Variants in KATNAL1 observed in about 807,000 individuals in gnomAD.
The protein encoded by KATNAL1 is katanin p60 ATPase-containing subunit A-like 1.
KATNAL1 carries 32 observed loss-of-function variants against 55.2 expected under a neutral mutation model. The ratio of observed to expected loss-of-function variants is 0.58; its 90% CI spans 0.44 to 0.78. The LOEUF (loss-of-function observed/expected upper bound fraction) is 0.78. Ranked by LOEUF, KATNAL1 falls within the 30% of genes least tolerant of loss-of-function variation. KATNAL1 has a pLI of 0.00. For missense variants in KATNAL1, 466 were observed against 600.9 expected (o/e 0.78, Z 2.35); for synonymous variants, 193 against 193.6 (o/e 1.00, Z 0.02).
chr13:30,282,171 GT>G (rs1376701970), intron 2 of KATNAL1, among the ~76,000 whole-genome samples: 6 of 102,872 alleles, frequency 5.8e-5, no homozygotes, highest in Admixed American at 1.0e-4. Flanking sequence ...TAAAATTCAA[GT>G]TTTTAACTGT....
intron 3 of KATNAL1, among the ~76,000 whole-genome samples, chr13:30,264,534 C>A (rs1484064786): frequency 2.7e-5 from 4 of 150,008 alleles, no homozygotes; most frequent in Non-Finnish European, 5.9e-5. Flanking sequence ...AAGAAAAAAA[C>A]AAACAACCCC....
chr13:30,241,204 T>C, intron 4 of KATNAL1, 118 bp from the exon 5 acceptor site: 1 of 937,192 alleles, frequency 1.1e-6, no homozygotes, highest in Non-Finnish European at 1.6e-6. Flanking sequence ...TATTTTAAGG[T>C]AGTATTTTCT....
chr13:30,230,676 GC>G, intron 7 of KATNAL1, 82 bp from the exon 8 acceptor site: 1 of 992,334 alleles, frequency 1.0e-6, no homozygotes, highest in African/African-American at 1.6e-5. Flanking sequence ...TAAAACAATG[GC>G]AAAAGAGAGC....
At chr13:30,214,622 A>G (rs929113228) in intron 9 of KATNAL1, among the ~76,000 whole-genome samples, 9 of 152,210 alleles carry the variant, frequency 5.9e-5, no homozygotes, top group African/African-American at 2.2e-4. Flanking sequence ...AATGCCGCAT[A>G]TCTACAACTA....
intron 9 of KATNAL1, among the ~76,000 whole-genome samples, chr13:30,212,163 CA>C (rs71093029): frequency 0.15 from 22,497 of 151,572 alleles, 1,836 homozygotes; most frequent in East Asian, 0.35. Context: ...GACATATATT[CA>C]AAAAAAATCA....
intron 9 of KATNAL1, among the ~76,000 whole-genome samples, chr13:30,223,643 G>A (rs756666245): frequency 6.6e-5 from 10 of 152,006 alleles, no homozygotes; most frequent in Non-Finnish European, 1.0e-4. Flanking sequence ...TAATAGGACC[G>A]AGAAGATGTA....
chr13:30,302,510 T>A (rs1266794574), intron 1 of KATNAL1, among the ~76,000 whole-genome samples: 1 of 147,504 alleles, frequency 6.8e-6, no homozygotes, highest in South Asian at 2.1e-4. Context: ...CCAGGAAAAA[T>A]GGAAAGAGTA....
chr13:30,234,895 GC>G (rs1876496499), intron 6 of KATNAL1, among the ~76,000 whole-genome samples: 1 of 152,106 alleles, frequency 6.6e-6, no homozygotes, highest in Admixed American at 6.5e-5. Context: ...ATCACAATAG[GC>G]CCTGAAATTT....
At chr13:30,216,206 T>A (rs868279745) in intron 9 of KATNAL1, among the ~76,000 whole-genome samples, 3 of 152,104 alleles carry the variant, frequency 2.0e-5, no homozygotes, top group Non-Finnish European at 4.4e-5. Context: ...GGGGATACAT[T>A]GTTAGGTGAT....
rs1267047882 is a variant in KATNAL1, at chr13:30,255,313, T to TA, written c.492+133dup. On this transcript the variant is annotated intron_variant, in intron 4 of 10. Transcript: ENST00000380615. ...TGGCCTTCAAAATACAAAGACTACT[T>TA]AGGCTTTGAATGAGACTTTTTTCTA... 4.6e-6 allele frequency: 3 copies of TA among 650,988 alleles called. No individual in the cohort carries two copies. In the African/African-American group the frequency reaches 5.6e-5, roughly 12 times the overall value. The allele number at this position is 650,988 out of a possible 1,614,324, so 40.3% of individuals were successfully genotyped here.
intron 7 of KATNAL1, 33 bp downstream of exon 7, chr13:30,231,281 A>G (rs1198180420): frequency 6.3e-7 from 1 of 1,575,924 alleles, no homozygotes; most frequent in Non-Finnish European, 8.6e-7. Context: ...GCCTACACAC[A>G]CTACTTTGAA....
chr13:30,233,816 G>A (rs887718149), intron 6 of KATNAL1, among the ~76,000 whole-genome samples: 7 of 152,122 alleles, frequency 4.6e-5, no homozygotes, highest in Non-Finnish European at 8.8e-5. Context: ...GGTGGAGGTC[G>A]TTATGTCAAA....
intron 4 of KATNAL1, among the ~76,000 whole-genome samples, chr13:30,252,548 C>A (rs1344663796): frequency 6.6e-6 from 1 of 152,054 alleles, no homozygotes; most frequent in Non-Finnish European, 1.5e-5. Flanking sequence ...TGTACATAAA[C>A]ATATGAATAA....
At chr13:30,284,733 C>T (rs960756370) in intron 1 of KATNAL1, among the ~76,000 whole-genome samples, 10 of 152,118 alleles carry the variant, frequency 6.6e-5, no homozygotes, top group African/African-American at 2.4e-4. Flanking sequence ...TGTTATTTTC[C>T]TTTCTATAAG....
chr13:30,271,754 G>A (rs546936133), intron 3 of KATNAL1, among the ~76,000 whole-genome samples: 4 of 152,116 alleles, frequency 2.6e-5, no homozygotes, highest in Admixed American at 6.6e-5. Flanking sequence ...GAAAACATGA[G>A]CTCCTGGAGG....
At chr13:30,246,014 T>C (rs11619758) in intron 4 of KATNAL1, among the ~76,000 whole-genome samples, 3,823 of 152,230 alleles carry the variant, frequency 0.025, 69 homozygotes, top group Middle Eastern at 0.054. Flanking sequence ...TTAGCTACCA[T>C]TGACTTTCTT....
At position 30,204,830 on chromosome 13, in the gene KATNAL1, C is replaced by T. The variant is rs960062197; in HGVS notation, c.*3710G>A. Reference sequence around the variant, plus strand: ...TACAGCTAGACCACCGCATGTTTTCCCCTTCCAAAATGGCTAGGTATTGTG... The same window carrying T: ...TACAGCTAGACCACCGCATGTTTTCTCCTTCCAAAATGGCTAGGTATTGTG... On this transcript the variant is annotated 3_prime_UTR_variant, in exon 11 of 11. Coordinates refer to ENST00000380615, the MANE Select transcript of KATNAL1 (RefSeq NM_032116.5). 6.6e-6 allele frequency: 1 copy of T among 152,166 alleles called. No homozygotes were observed. Among genetic ancestry groups the T allele is most frequent in the Non-Finnish European group, 1.5e-5 (1 of 68,030 alleles). The allele number at this position is 152,166 out of a possible 1,614,324, so 9.4% of individuals were successfully genotyped here.
At chr13:30,289,505 G>A (rs1881999748) in intron 1 of KATNAL1, among the ~76,000 whole-genome samples, 1 of 152,176 alleles carries the variant, frequency 6.6e-6, no homozygotes, top group Non-Finnish European at 1.5e-5. Context: ...ACTGGAATAA[G>A]ATATTCCTTT....
intron 6 of KATNAL1, among the ~76,000 whole-genome samples, chr13:30,232,800 C>T (rs576348054): frequency 1.3e-5 from 2 of 152,152 alleles, no homozygotes; most frequent in Admixed American, 6.5e-5. Flanking sequence ...TCTTTCCCCT[C>T]GGTATACAAA....
Sources: allele counts gnomAD v4.1 joint callset (sites outside exome capture counted in the v4.1 genomes callset), GRCh38; gene constraint gnomAD v4.1.1; transcripts MANE v1.5; gene names NCBI Gene and HGNC (gene_info 2026-07-23, HGNC 2026-07-21).